The following STARD9 variants were observed in gnomAD, a reference collection of about 807,000 sequenced individuals.
STARD9 encodes StAR related lipid transfer domain containing 9, also known as stAR-related lipid transfer protein 9.
Under a neutral mutation model 399.8 loss-of-function variants are expected in STARD9, and 346 were observed. The ratio of observed to expected loss-of-function variants is 0.87; its 90% CI spans 0.79 to 0.95. STARD9 has a LOEUF of 0.95. Ranked by LOEUF, STARD9 falls within the 40% of genes least tolerant of loss-of-function variation. STARD9 has a pLI of 0.00. For missense variants in STARD9, 5,832 were observed against 5,667.5 expected (o/e 1.03, Z -0.93); for synonymous variants, 2,203 against 2,143.5 (o/e 1.03, Z -0.77).
chr15:42,581,184 T>C (rs2058161115), intron 1 of STARD9: 1 of 768,776 alleles, frequency 1.3e-6, no homozygotes, highest in East Asian at 2.4e-5. Context: ...GTCATGATTG[T>C]TCAAGTTGTT....
At chr15:42,609,050 A>T (rs2058795696) in intron 3 of STARD9, among the ~76,000 whole-genome samples, 2 of 151,928 alleles carry the variant, frequency 1.3e-5, no homozygotes, top group South Asian at 4.2e-4. Flanking sequence ...GGGTTTTCTT[A>T]TGACAGTTCC....
intron 3 of STARD9, 29 bp from the exon 4 acceptor site, chr15:42,634,827 T>G: frequency 1.7e-4 from 193 of 1,150,694 alleles, no homozygotes; most frequent in Non-Finnish European, 2.2e-4. Context: ...AGGACCACAG[T>G]GATATTTCCT....
chr15:42,648,415 G>A (rs908000574), intron 7 of STARD9, among the ~76,000 whole-genome samples: 6 of 152,028 alleles, frequency 3.9e-5, no homozygotes, highest in African/African-American at 1.4e-4. Context: ...CACTGGCCTC[G>A]GCCTCCCAAA....
chr15:42,716,666 C>T lies in STARD9; in HGVS notation c.13285-11C>T, dbSNP rs1255949463. 4.6e-6 allele frequency: 7 copies of T among 1,515,598 alleles called. No homozygotes were observed. Among genetic ancestry groups the T allele is most frequent in the East Asian group, 2.4e-5 (1 of 40,818 alleles). 93.9% of individuals were successfully genotyped at this position (1,515,598 alleles called of 1,614,324 possible). A position where few individuals can be genotyped will look rare whatever the true frequency, so the allele number is the denominator to read the frequency against. On this transcript the variant is annotated splice_polypyrimidine_tract_variant and intron_variant, in intron 26 of 32. Transcript: ENST00000290607. ...CTTCTGGCTCTGTCCTGAGTATCCT[C>T]TCTTCTGCAGGGGCATACAAACTTG...
At position 42,691,151 on chromosome 15, in the gene STARD9, C is replaced by T; in HGVS notation, c.9573C>T (p.Ala3191=). Reference sequence around the variant, plus strand: ...ATCACAATCGCTTGGATTCCCAAGCCAAGTTTGTAGCAAGGTTAAAACATA... The same window carrying T: ...ATCACAATCGCTTGGATTCCCAAGCTAAGTTTGTAGCAAGGTTAAAACATA... ...LRDHNRLDSQ[A]KFVARLKHTC... is the part of the protein sequence containing the mutation. Residue 3191 remains alanine, a synonymous_variant, in exon 23 of 33, where the codon GCC becomes GCT. Coordinates refer to ENST00000290607, the MANE Select transcript of STARD9 (RefSeq NM_020759.3). 6.5e-7 allele frequency: 1 copy of T among 1,537,214 alleles called. No individual in the cohort carries two copies. Among genetic ancestry groups the T allele is most frequent in the Non-Finnish European group, 8.7e-7 (1 of 1,146,900 alleles).
chr15:42,604,626 A>ATTTTTTTT (rs11349330), intron 3 of STARD9, among the ~76,000 whole-genome samples: 3 of 54,746 alleles, frequency 5.5e-5, no homozygotes, highest in East Asian at 7.2e-4. Flanking sequence ...GATCAAATTG[A>ATTTTTTTT]TTTTTTTTTT....
At chr15:42,619,495 A>G (rs1007355370) in intron 3 of STARD9, among the ~76,000 whole-genome samples, 5 of 151,200 alleles carry the variant, frequency 3.3e-5, no homozygotes, top group Non-Finnish European at 5.9e-5. Context: ...TTTAGGTTGC[A>G]GTGAGCCAAG....
intron 3 of STARD9, among the ~76,000 whole-genome samples, chr15:42,629,300 T>C (rs1423542489): frequency 1.1e-4 from 16 of 152,216 alleles, no homozygotes; most frequent in Admixed American, 1.0e-3. Flanking sequence ...ATTACAGGCC[T>C]CAACCACTGT....
intron 26 of STARD9, among the ~76,000 whole-genome samples, chr15:42,707,911 C>T (rs998080764): frequency 6.6e-6 from 1 of 150,676 alleles, no homozygotes; most frequent in African/African-American, 2.4e-5. Flanking sequence ...CGGTGGCTCA[C>T]ATCTGTAATC....
At chr15:42,675,824 G>C (rs1221982150) in intron 19 of STARD9, 48 bp from the exon 20 acceptor site, 25 of 1,533,732 alleles carry the variant, frequency 1.6e-5, no homozygotes, top group Non-Finnish European at 2.2e-5. Context: ...AGCTGGGAGA[G>C]GTGGAGGCGA....
At chr15:42,708,487 A>G (rs1421650746) in intron 26 of STARD9, among the ~76,000 whole-genome samples, 2 of 152,166 alleles carry the variant, frequency 1.3e-5, no homozygotes, top group Non-Finnish European at 2.9e-5. Flanking sequence ...CTAGCTCCCC[A>G]CAGAAAAAGT....
At chr15:42,587,988 A>G (rs1455609330) in intron 3 of STARD9, among the ~76,000 whole-genome samples, 1 of 152,156 alleles carries the variant, frequency 6.6e-6, no homozygotes, top group East Asian at 1.9e-4. Context: ...AGTAAGAAAG[A>G]TGGGACTCCT....
chr15:42,656,048 T>A (rs2059861731), intron 9 of STARD9, among the ~76,000 whole-genome samples: 1 of 152,030 alleles, frequency 6.6e-6, no homozygotes, highest in Non-Finnish European at 1.5e-5. Context: ...CCTGCAAGAA[T>A]GGCCATAATA....
chr15:42,673,943 C>T (rs778476953), intron 16 of STARD9: 2 of 456,514 alleles, frequency 4.4e-6, no homozygotes, highest in Non-Finnish European at 8.8e-6. Flanking sequence ...GTCTGTTAAA[C>T]TTCATCTGCG....
At position 42,689,595 on chromosome 15, in the gene STARD9, C is replaced by G. The variant is rs2060641478; in HGVS notation, c.8017C>G (p.Gln2673Glu). 2 of 1,537,234 alleles carry G rather than the reference C, an allele frequency of 1.3e-6. No homozygotes were observed. Among genetic ancestry groups the G allele is most frequent in the Non-Finnish European group, 1.7e-6 (2 of 1,146,934 alleles). ...VQAFSHAAPA[Q>E]DRKRRTGELR... ...GGCTTTCTCCCATGCTGCTCCTGCT[C>G]AAGACAGGAAACGTCGTACTGGAGA... Residue 2673 changes from glutamine to glutamate, a missense_variant, in exon 23 of 33, where the codon CAA (glutamine) becomes GAA (glutamate). Transcript: ENST00000290607.
intron 7 of STARD9, among the ~76,000 whole-genome samples, chr15:42,650,000 G>A (rs2059726956): frequency 1.3e-5 from 2 of 151,446 alleles, no homozygotes; most frequent in Non-Finnish European, 1.5e-5. Flanking sequence ...CCGAGTAGCT[G>A]GGATTACAGG....
intron 3 of STARD9, among the ~76,000 whole-genome samples, chr15:42,597,545 T>C (rs1343560838): frequency 1.3e-5 from 2 of 151,866 alleles, no homozygotes; most frequent in Non-Finnish European, 2.9e-5. Context: ...TTTTTGTTTG[T>C]TTGTTTTTTT....
intron 26 of STARD9, among the ~76,000 whole-genome samples, chr15:42,702,246 C>G (rs1049695738): frequency 6.6e-6 from 1 of 152,082 alleles, no homozygotes; most frequent in Non-Finnish European, 1.5e-5. Context: ...CTCTGTCGCC[C>G]AAGCTGGAGT....
chr15:42,594,293 A>G (rs1469941833), intron 3 of STARD9, among the ~76,000 whole-genome samples: 1 of 152,174 alleles, frequency 6.6e-6, no homozygotes, highest in African/African-American at 2.4e-5. Flanking sequence ...GGCATTCCAC[A>G]TGCGATTATT....
Sources: gnomAD v4.1 joint callset for allele counts (sites outside exome capture counted in the v4.1 genomes callset) on GRCh38, gnomAD v4.1.1 for gene constraint, MANE v1.5 for transcripts, NCBI Gene and HGNC (gene_info 2026-07-23, HGNC 2026-07-21) for gene names.